GSN: variants seen among roughly 807,000 people sequenced by gnomAD.
GSN encodes the protein actin-depolymerizing factor.
Under a neutral mutation model 85.7 loss-of-function variants are expected in GSN, and 56 were observed. That is an observed-to-expected ratio of 0.65 (90% CI 0.53 to 0.82). GSN has a LOEUF of 0.82. Ranked by LOEUF, GSN falls within the 40% of genes least tolerant of loss-of-function variation. GSN has a pLI of 0.00. For synonymous variants in GSN, 373 were observed against 399.1 expected (o/e 0.93, Z 0.78); for missense variants, 857 against 979.8 (o/e 0.87, Z 1.67).
At chr9:121,273,502 A>T (rs1588591745) in intron 1 of GSN, among the ~76,000 whole-genome samples, 1 of 152,054 alleles carries the variant, frequency 6.6e-6, no homozygotes, top group Non-Finnish European at 1.5e-5. Context: ...TACACTTGTG[A>T]TAGAAAATTT....
At chr9:121,323,457 C>T (rs975217730) in intron 11 of GSN, among the ~76,000 whole-genome samples, 27 of 151,202 alleles carry the variant, frequency 1.8e-4, no homozygotes, top group African/African-American at 6.6e-4. Flanking sequence ...GCAACCTCTG[C>T]CTCCCAGGTT....
At position 121,329,337 on chromosome 9, in the gene GSN, GCT is replaced by G; in HGVS notation, c.1965+27_1965+28del. On this transcript the variant is annotated intron_variant, in intron 16 of 17. Coordinates refer to ENST00000432226, the MANE Select transcript of GSN (RefSeq NM_198252.3). The surrounding 1 kb of genome is among the most constrained non-coding windows in gnomAD (Gnocchi z 4.6). ...CCAGGTGGGTGAAGGACAGGTGAAG[GCT>G]CTCTGTGCCAGAGGGAGTGGGAGAA... is the stretch of plus-strand genomic sequence containing the variant. 1 of 1,406,314 alleles carries G rather than the reference GCT, an allele frequency of 7.1e-7. No individual in the cohort carries two copies. The allele number at this position is 1,406,314 out of a possible 1,614,324, so 87.1% of individuals were successfully genotyped here. A position where few individuals can be genotyped will look rare whatever the true frequency, so the allele number is the denominator to read the frequency against.
intron 5 of GSN, among the ~76,000 whole-genome samples, chr9:121,233,195 G>A (rs1281890349): frequency 6.6e-6 from 1 of 152,154 alleles, no homozygotes; most frequent in Non-Finnish European, 1.5e-5. Flanking sequence ...GCCAGGCGCG[G>A]TGGCTCATGC....
chr9:121,228,690 G>A (rs1423979479), intron 4 of GSN, among the ~76,000 whole-genome samples: 1 of 151,948 alleles, frequency 6.6e-6, no homozygotes, highest in Non-Finnish European at 1.5e-5. Context: ...CTCCCAAAGT[G>A]CTGGGATTAC....
chr9:121,223,809 G>A (rs1363945645), intron 4 of GSN, among the ~76,000 whole-genome samples: 1 of 151,774 alleles, frequency 6.6e-6, no homozygotes, highest in Non-Finnish European at 1.5e-5. Context: ...ACAGGCGTGT[G>A]CCACCACGCC....
intron 7 of GSN, among the ~76,000 whole-genome samples, chr9:121,316,023 T>C (rs1260016390): frequency 6.6e-6 from 1 of 152,180 alleles, no homozygotes; most frequent in Non-Finnish European, 1.5e-5. Flanking sequence ...ACTCAATTCA[T>C]GTAGAATAAT....
chr9:121,312,588 A>AC, intron 6 of GSN, 100 bp downstream of exon 6: 1 of 902,506 alleles, frequency 1.1e-6, no homozygotes, highest in Non-Finnish European at 1.6e-6. Context: ...GAAAAAAAAA[A>AC]ACTTCCGCTC....
At chr9:121,325,713 C>G (rs1330444148) in intron 12 of GSN, among the ~76,000 whole-genome samples, 1 of 152,122 alleles carries the variant, frequency 6.6e-6, no homozygotes, top group Non-Finnish European at 1.5e-5. Context: ...TGACCTTTGA[C>G]TATGATAGAC....
intron 6 of GSN, among the ~76,000 whole-genome samples, chr9:121,253,512 C>T (rs16910454): frequency 0.027 from 4,058 of 152,260 alleles, 193 homozygotes; most frequent in African/African-American, 0.093. Context: ...AGGTTTTGTC[C>T]TGCAGCATTA....
chr9:121,318,348 A>T lies in GSN; in HGVS notation c.887-58A>T, dbSNP rs2061960998. 1.5e-6 allele frequency: 2 copies of T among 1,322,460 alleles called. No homozygotes were observed. Among genetic ancestry groups the T allele is most frequent in the Admixed American group, 3.4e-5 (2 of 59,682 alleles). The allele number at this position is 1,322,460 out of a possible 1,614,324, so 81.9% of individuals were successfully genotyped here. Reference sequence around the variant, plus strand: ...TCCTTCTCCTGGACTGTTAAAGGTCAGGATGCAGCAGGATCCCGGGCCTCT... The same window carrying T: ...TCCTTCTCCTGGACTGTTAAAGGTCTGGATGCAGCAGGATCCCGGGCCTCT... On this transcript the variant is annotated intron_variant, in intron 8 of 17. Transcript: ENST00000432226. This position sits in a 1 kb window ranked among gnomAD's most constrained non-coding sequence, Gnocchi z 4.3.
chr9:121,315,060 C>T (rs929389285), intron 7 of GSN, among the ~76,000 whole-genome samples: 1 of 152,114 alleles, frequency 6.6e-6, no homozygotes, highest in Non-Finnish European at 1.5e-5. Flanking sequence ...GAGGTTTTGC[C>T]ATGTTGCCCA....
intron 1 of GSN, among the ~76,000 whole-genome samples, chr9:121,270,160 T>C (rs2055719830): frequency 6.6e-6 from 1 of 152,152 alleles, no homozygotes; most frequent in African/African-American, 2.4e-5. Context: ...GCACTGAGAT[T>C]TTCTGAGCCA....
Position 121,302,061 on chromosome 9 carries a change from G to A in GSN, c.90G>A (p.Val30=). The change falls in exon 3 of 18, where the codon GTG becomes GTA. Residue 30 remains valine (V), a synonymous_variant. Transcript: ENST00000432226. Reference sequence around the variant, plus strand: ...TGGAGAAGTTCGATCTGGTGCCCGTGCCCACCAACCTTTATGGAGACTTCT... The same window carrying A: ...TGGAGAAGTTCGATCTGGTGCCCGTACCCACCAACCTTTATGGAGACTTCT... ...WRVEKFDLVP[V]PTNLYGDFFT... 7 of 1,614,246 alleles carry A rather than the reference G, an allele frequency of 4.3e-6. No individual in the cohort carries two copies. In the South Asian group the frequency reaches 5.5e-5, roughly 13 times the overall value.
intron 6 of GSN, among the ~76,000 whole-genome samples, chr9:121,249,308 T>A (rs761172112): frequency 2.6e-5 from 4 of 151,878 alleles, no homozygotes; most frequent in African/African-American, 9.7e-5. Flanking sequence ...AAAAAAAAAT[T>A]TTTTTTTAAA....
At chr9:121,321,430 C>G in intron 11 of GSN, 29 bp downstream of exon 11, 1 of 1,608,166 alleles carries the variant, frequency 6.2e-7, no homozygotes, top group Non-Finnish European at 8.5e-7. Flanking sequence ...TGGTGTGTGT[C>G]GTGGGGGTAC....
rs2133755809 is a variant in GSN at position 121,321,386 on chromosome 9, A to G, written c.1310A>G (p.Gln437Arg). ...YNYRHGGRQG[Q>R]IIYNWQGAQS... ...TACCGCCATGGTGGCCGCCAGGGGCAGATAATCTATAACTGGTGAGGTTCT... is the reference window on the plus strand; with the variant it reads ...TACCGCCATGGTGGCCGCCAGGGGCGGATAATCTATAACTGGTGAGGTTCT... Residue 437 changes from glutamine to arginine, a missense_variant, in exon 11 of 18, where the codon CAG becomes CGG. Transcript: ENST00000432226. 2 of 1,614,110 alleles carry G rather than the reference A, an allele frequency of 1.2e-6. No individual in the cohort carries two copies. The highest frequency in any genetic ancestry group is 1.7e-6 in the Non-Finnish European group (2 of 1,179,982).
chr9:121,288,190 A>C (rs1040365811), intron 2 of GSN, among the ~76,000 whole-genome samples: 21 of 152,172 alleles, frequency 1.4e-4, no homozygotes, highest in African/African-American at 4.6e-4. Flanking sequence ...AGCCTTCCAA[A>C]GTGCTGGGAT....
At chr9:121,207,626 G>T (rs1175110363), upstream of GSN, among the ~76,000 whole-genome samples, 1 of 152,180 alleles carries the variant, frequency 6.6e-6, no homozygotes, top group African/African-American at 2.4e-5. Context: ...TTTTTGTATT[G>T]TAGAATATAG....
upstream of GSN, among the ~76,000 whole-genome samples, chr9:121,207,218 C>A (rs1482670964): frequency 6.6e-6 from 1 of 152,156 alleles, no homozygotes; most frequent in Non-Finnish European, 1.5e-5. Context: ...AACAAGCCAG[C>A]CTGCCAGTTT....
Sources: allele counts gnomAD v4.1 joint callset (sites outside exome capture counted in the v4.1 genomes callset), GRCh38; gene constraint gnomAD v4.1.1; non-coding constraint Gnocchi (gnomAD v3.1); transcripts MANE v1.5; gene names NCBI Gene and HGNC (gene_info 2026-07-23, HGNC 2026-07-21).